Variants in NCOA2 observed in about 807,000 individuals in gnomAD.
The protein encoded by NCOA2 is class E basic helix-loop-helix protein 75.
NCOA2 carries 21 observed loss-of-function variants against 145.1 expected under a neutral mutation model. That is an observed-to-expected ratio of 0.14 (90% CI 0.10 to 0.21). NCOA2 has a LOEUF of 0.21. Among genes scored for constraint, NCOA2 ranks in the 10% least tolerant of loss-of-function variants. The pLI is 1.00. For missense variants in NCOA2, 1,472 were observed against 1,837.6 expected, an observed-to-expected ratio of 0.80 and a Z score of 3.64; for synonymous variants, 619 against 637.5, an observed-to-expected ratio of 0.97 and a Z score of 0.44.
Position 70,318,884 on chromosome 8 carries a change from T to A in NCOA2, c.-76-22084A>T, listed in dbSNP as rs1425119269. Among the ~76,000 whole-genome samples the A allele has an allele frequency of 3.3e-5, 5 of 152,092 alleles. No individual in the cohort carries two copies. The East Asian group carries it at 7.7e-4, about 23-fold the overall frequency. On this transcript the variant is annotated intron_variant, in intron 1 of 22. Coordinates refer to ENST00000452400, the MANE Select transcript of NCOA2 (RefSeq NM_006540.4). ...TCATAGGAAAATACACTGTATCCAG[T>A]TTTAGCAGAAAATGGGTGTTTTGTC...
intron 22 of NCOA2, 102 bp from the exon 23 acceptor site, chr8:70,113,745 T>A: frequency 8.5e-7 from 1 of 1,178,256 alleles, no homozygotes; most frequent in Non-Finnish European, 1.2e-6. Context: ...CTGTTTTCAA[T>A]AAAGCAAATC....
At chr8:70,397,925 G>C (rs1230831235) in intron 1 of NCOA2, among the ~76,000 whole-genome samples, 1 of 152,036 alleles carries the variant, frequency 6.6e-6, no homozygotes, top group Non-Finnish European at 1.5e-5. Context: ...AAAAAGAACA[G>C]ATCTTTAGTA....
chr8:70,410,909 A>G, the NCOA2 span, among the ~76,000 whole-genome samples: 1 of 152,158 alleles, frequency 6.6e-6, no homozygotes, highest in Non-Finnish European at 1.5e-5. Context: ...GTGCAGATTG[A>G]CTGGAAAAAG....
intron 1 of NCOA2, among the ~76,000 whole-genome samples, chr8:70,341,832 C>T (rs1256634995): frequency 6.6e-6 from 1 of 152,170 alleles, no homozygotes; most frequent in Non-Finnish European, 1.5e-5. Context: ...TTTTCCAATG[C>T]TCAAATGCAT....
Position 70,112,980 on chromosome 8 carries a change from C to T in NCOA2, c.*652G>A. 5.0e-6 allele frequency: 1 copy of T among 199,744 alleles called. No individual in the cohort carries two copies. The highest frequency in any genetic ancestry group is 7.8e-5 in the East Asian group (1 of 12,854). 12.4% of individuals were successfully genotyped at this position (199,744 alleles called of 1,614,324 possible). A position where few individuals can be genotyped will look rare whatever the true frequency, so the allele number is the denominator to read the frequency against. On this transcript the variant is annotated 3_prime_UTR_variant, in exon 23 of 23. Transcript: ENST00000452400. ...ATGTTAACAGCCCTCTCACAGGCTC[C>T]TTTTCATCTGTTCAGTAACTGGAGA...
At chr8:70,213,839 C>T in intron 4 of NCOA2, 64 bp downstream of exon 4, 4 of 1,368,432 alleles carry the variant, frequency 2.9e-6, no homozygotes, top group Middle Eastern at 1.8e-4. Context: ...TCTGAAGGGA[C>T]TTCTCACACA....
chr8:70,118,855 A>G (rs1240930856), intron 22 of NCOA2, among the ~76,000 whole-genome samples: 1 of 151,720 alleles, frequency 6.6e-6, no homozygotes, highest in African/African-American at 2.4e-5. Context: ...CACTCGGCTA[A>G]TTTTGTATTT....
At chr8:70,192,503 C>G (rs1452854546) in intron 4 of NCOA2, among the ~76,000 whole-genome samples, 1 of 152,210 alleles carries the variant, frequency 6.6e-6, no homozygotes, top group Non-Finnish European at 1.5e-5. Flanking sequence ...ACAACCCCAC[C>G]ACCCACGGGC....
At chr8:70,285,487 T>C (rs1209492380) in intron 2 of NCOA2, among the ~76,000 whole-genome samples, 1 of 152,246 alleles carries the variant, frequency 6.6e-6, no homozygotes, top group East Asian at 1.9e-4. Flanking sequence ...CTAAAATAGA[T>C]GGCAGGTTGT....
At chr8:70,419,393 T>C in the NCOA2 span, among the ~76,000 whole-genome samples, 1 of 152,172 alleles carries the variant, frequency 6.6e-6, no homozygotes, top group Admixed American at 6.5e-5. Context: ...ACTATGCTAT[T>C]ATGCATAATC....
chr8:70,440,933 T>A, the NCOA2 span, among the ~76,000 whole-genome samples: 2 of 125,546 alleles, frequency 1.6e-5, no homozygotes, highest in African/African-American at 6.3e-5. Context: ...TGGTCACAGG[T>A]GGGAGAAAAG....
At chr8:70,454,054 G>T in the NCOA2 span, among the ~76,000 whole-genome samples, 1 of 152,090 alleles carries the variant, frequency 6.6e-6, no homozygotes, top group Non-Finnish European at 1.5e-5. Context: ...TTGAAATATG[G>T]TGCCCATTGA....
intron 7 of NCOA2, among the ~76,000 whole-genome samples, chr8:70,165,758 G>T (rs188196800): frequency 4.6e-5 from 7 of 152,238 alleles, no homozygotes; most frequent in Middle Eastern, 3.4e-3. Context: ...CCATGGATAG[G>T]CTACATGGAT....
chr8:70,341,615 T>G (rs995302797), intron 1 of NCOA2, among the ~76,000 whole-genome samples: 1 of 152,230 alleles, frequency 6.6e-6, no homozygotes, highest in Admixed American at 6.5e-5. Context: ...ATTGCTTTGT[T>G]AATCAGCAAT....
At chr8:70,340,251 C>A (rs900006119) in intron 1 of NCOA2, among the ~76,000 whole-genome samples, 17 of 152,022 alleles carry the variant, frequency 1.1e-4, no homozygotes, top group East Asian at 1.9e-4. Flanking sequence ...TAAGAAAAAA[C>A]CAAACAACTC....
intron 2 of NCOA2, among the ~76,000 whole-genome samples, chr8:70,235,978 C>T (rs548680346): frequency 6.6e-6 from 1 of 152,226 alleles, no homozygotes; most frequent in South Asian, 2.1e-4. Context: ...CAGCCTTCAC[C>T]TCTCAAAGCT....
chr8:70,259,792 T>C (rs1057372557), intron 2 of NCOA2, among the ~76,000 whole-genome samples: 13 of 152,358 alleles, frequency 8.5e-5, no homozygotes, highest in Non-Finnish European at 1.8e-4. Flanking sequence ...TTATACTAAA[T>C]GTTATTACAA....
chr8:70,306,897 G>C (rs1157784857), intron 1 of NCOA2, among the ~76,000 whole-genome samples: 1 of 152,060 alleles, frequency 6.6e-6, no homozygotes, highest in Non-Finnish European at 1.5e-5. Flanking sequence ...CCATTTTACA[G>C]ATGAGGAAAC....
rs189733185 is a variant in NCOA2, at chr8:70,395,017, G to A, written c.-77+8683C>T. ...GGCAGAGTAAATCTGTTTGGTAAAG[G>A]GGAAACTGTAGATCATGATCAGACA... On this transcript the variant is annotated intron_variant, in intron 1 of 22. Transcript: ENST00000452400. Among the ~76,000 whole-genome samples the A allele has an allele frequency of 2.5e-4, 38 of 152,218 alleles. 1 individual carries two copies. Among genetic ancestry groups the A allele is most frequent in the Admixed American group, 2.5e-3 (38 of 15,288 alleles).
Sources: gnomAD v4.1 joint callset for allele counts (sites outside exome capture counted in the v4.1 genomes callset) on GRCh38, gnomAD v4.1.1 for gene constraint, MANE v1.5 for transcripts, NCBI Gene and HGNC (gene_info 2026-07-23, HGNC 2026-07-21) for gene names.